The following PCGF3 variants were observed in gnomAD, a reference collection of about 807,000 sequenced individuals.
The protein encoded by PCGF3 is polycomb group RING finger protein 3.
Under a neutral mutation model 33.1 loss-of-function variants are expected in PCGF3, and 7 were observed. The observed-to-expected ratio is 0.21, with a 90% CI of 0.12 to 0.40. The LOEUF is 0.40. Ranked by LOEUF, PCGF3 falls within the 10% of genes least tolerant of loss-of-function variation. The probability of loss-of-function intolerance (pLI) is 1.00; values close to 1 mark genes in which losing one functional copy is unlikely to be tolerated. For synonymous variants in PCGF3, 153 were observed against 121.3 expected (o/e 1.26, Z -1.72); for missense variants, 211 against 313.3 (o/e 0.67, Z 2.46).
chr4:740,951 G>A (rs568161692), intron 6 of PCGF3, among the ~76,000 whole-genome samples: 4 of 152,296 alleles, frequency 2.6e-5, no homozygotes, highest in Admixed American at 1.3e-4. Context: ...TCATGACGAC[G>A]TCAGAACGAG....
At chr4:756,419 G>T (rs1248472863) in intron 8 of PCGF3, among the ~76,000 whole-genome samples, 4 of 147,574 alleles carry the variant, frequency 2.7e-5, no homozygotes, top group Admixed American at 1.4e-4. Flanking sequence ...CACTATGTTG[G>T]CCCGTCTGGC....
At chr4:742,706 G>C (rs912661506) in intron 6 of PCGF3, among the ~76,000 whole-genome samples, 5 of 152,232 alleles carry the variant, frequency 3.3e-5, no homozygotes, top group Admixed American at 3.3e-4. Context: ...CCGGCCAGAG[G>C]TGACCCAATG....
intron 6 of PCGF3, among the ~76,000 whole-genome samples, chr4:742,417 G>A (rs1266335748): frequency 6.6e-6 from 1 of 152,226 alleles, no homozygotes. Flanking sequence ...GGAAATCGTG[G>A]ATAAAAAGTT....
intron 9 of PCGF3, chr4:761,809 G>A: frequency 2.0e-6 from 2 of 985,442 alleles, no homozygotes; most frequent in East Asian, 2.3e-4. Context: ...CTGGCATGAG[G>A]CGGCCTTGGC....
At chr4:706,951 G>T (rs1299982153) in intron 1 of PCGF3, among the ~76,000 whole-genome samples, 5 of 149,414 alleles carry the variant, frequency 3.3e-5, no homozygotes, top group Non-Finnish European at 7.4e-5. Context: ...AGCCCAGGCA[G>T]GACCGCGGGA....
chr4:767,672 G>C (rs999281732), exon 11 of PCGF3: 1 of 152,220 alleles, frequency 6.6e-6, no homozygotes, highest in African/African-American at 2.4e-5. Flanking sequence ...TCAGTGTAAG[G>C]CCTTTTAAAA....
rs6857306 is a variant in PCGF3, at chr4:760,212, C to T, written c.463-1067C>T. Among the ~76,000 whole-genome samples the T allele has an allele frequency of 5.0e-3, 756 of 152,308 alleles. 10 individuals are homozygous for T. The highest frequency in any genetic ancestry group is 0.017 in the African/African-American group (709 of 41,554). On this transcript the variant is annotated intron_variant, in intron 8 of 10. Transcript: ENST00000362003. ...TTGCTTCCTGAATCTGAGGACTGCCCTTCACTGTTGTGGGAGATCCTTAGT... is the reference window on the plus strand; with the variant it reads ...TTGCTTCCTGAATCTGAGGACTGCCTTTCACTGTTGTGGGAGATCCTTAGT...
At chr4:755,146 C>T (rs780168243) in intron 8 of PCGF3, among the ~76,000 whole-genome samples, 3 of 152,248 alleles carry the variant, frequency 2.0e-5, no homozygotes, top group East Asian at 1.9e-4. Context: ...GCAGAGCACA[C>T]GGCGTTGTGT....
At chr4:718,289 G>C (rs976601646) in intron 1 of PCGF3, among the ~76,000 whole-genome samples, 1 of 152,054 alleles carries the variant, frequency 6.6e-6, no homozygotes, top group Admixed American at 6.5e-5. Flanking sequence ...GCTGGGGGCC[G>C]GACTGCTGAA....
chr4:712,364 G>C (rs1742605752), intron 1 of PCGF3, among the ~76,000 whole-genome samples: 1 of 152,158 alleles, frequency 6.6e-6, no homozygotes, highest in Non-Finnish European at 1.5e-5. Flanking sequence ...AGAAAATATA[G>C]TCCTTCAACC....
chr4:723,475 G>C (rs1743200765), intron 1 of PCGF3, among the ~76,000 whole-genome samples: 1 of 152,182 alleles, frequency 6.6e-6, no homozygotes, highest in Non-Finnish European at 1.5e-5. Context: ...ACCAGAGGAG[G>C]GGGTGGGCTT....
At chr4:730,695 C>T (rs934702720) in intron 2 of PCGF3, 27 bp downstream of exon 2, 3 of 247,448 alleles carry the variant, frequency 1.2e-5, no homozygotes, top group African/African-American at 6.7e-5. Flanking sequence ...CGACTGCCCT[C>T]TTCTTTCCGC....
At chr4:737,397 A>G in intron 5 of PCGF3, 69 bp from the exon 6 acceptor site, 2 of 1,027,684 alleles carry the variant, frequency 1.9e-6, no homozygotes, top group Non-Finnish European at 3.1e-6. Flanking sequence ...GATATTGTTA[A>G]ATGGAAAGTG....
chr4:754,518 A>T (rs972241135), intron 8 of PCGF3, among the ~76,000 whole-genome samples: 2 of 152,144 alleles, frequency 1.3e-5, no homozygotes, highest in African/African-American at 4.8e-5. Context: ...GGGTAGAAAG[A>T]GCCTCTCCTG....
intron 1 of PCGF3, among the ~76,000 whole-genome samples, chr4:718,100 C>T (rs893874936): frequency 2.6e-5 from 4 of 152,142 alleles, no homozygotes; most frequent in East Asian, 1.9e-4. Flanking sequence ...GTCTGGGGCT[C>T]CCTGGGGTGC....
In PCGF3 at chr4:744,592, G is replaced by T. The variant is rs1188011099; in HGVS notation, c.374-8G>T. 2.6e-6 allele frequency: 4 copies of T among 1,550,706 alleles called. No homozygotes were observed. Among genetic ancestry groups the T allele is most frequent in the Non-Finnish European group, 3.5e-6 (4 of 1,145,404 alleles). On this transcript the variant is annotated splice_polypyrimidine_tract_variant and splice_region_variant and intron_variant, in intron 7 of 10. Coordinates refer to ENST00000362003, the Ensembl canonical transcript of PCGF3. ...TCATGGTGCGCTATGTTCTGTTTGTGCTAAAAGGTGAAACCAAAGCAGACG... is the reference window on the plus strand; with the variant it reads ...TCATGGTGCGCTATGTTCTGTTTGTTCTAAAAGGTGAAACCAAAGCAGACG...
intron 8 of PCGF3, among the ~76,000 whole-genome samples, chr4:754,367 C>T (rs769019076): frequency 3.3e-5 from 5 of 152,206 alleles, no homozygotes; most frequent in East Asian, 1.9e-4. Context: ...ACCCGAGAGC[C>T]GGTCACCTGC....
At chr4:735,986 A>G (rs950383922) in intron 5 of PCGF3, among the ~76,000 whole-genome samples, 2 of 152,182 alleles carry the variant, frequency 1.3e-5, no homozygotes, top group East Asian at 1.9e-4. Flanking sequence ...TTCTGAAGAC[A>G]CATTTTGAAG....
In PCGF3 at chr4:761,111, A is replaced by G. The variant is rs529191480; in HGVS notation, c.463-168A>G. ...GCAGACGATAAACAGGTTTTCAGAT[A>G]AGGTATGTAAGATTCTTTTTCTGCA... On this transcript the variant is annotated intron_variant, in intron 8 of 10. Transcript: ENST00000362003. Among the ~76,000 whole-genome samples the G allele has an allele frequency of 1.3e-4, 20 of 152,382 alleles. No individual in the cohort carries two copies. In the East Asian group the frequency reaches 3.3e-3, roughly 25 times the overall value.
Sources: allele counts gnomAD v4.1 joint callset (sites outside exome capture counted in the v4.1 genomes callset), GRCh38; gene constraint gnomAD v4.1.1; transcripts MANE v1.5; gene names NCBI Gene and HGNC (gene_info 2026-07-23, HGNC 2026-07-21).